The following HMGB1 variants were observed in gnomAD, a reference collection of about 807,000 sequenced individuals.
The protein encoded by HMGB1 is high mobility group protein B1.
For synonymous variants in HMGB1, 81 were observed against 84.0 expected, an observed-to-expected ratio of 0.96 and a Z score of 0.19; for missense variants, 79 against 253.5, an observed-to-expected ratio of 0.31 and a Z score of 4.67.
intron 1 of HMGB1, among the ~76,000 whole-genome samples, chr13:30,593,309 C>T (rs1362721900): frequency 6.6e-6 from 1 of 152,160 alleles, no homozygotes; most frequent in Non-Finnish European, 1.5e-5. Context: ...CATATTAAGT[C>T]TCTTTTATGC....
intron 1 of HMGB1, among the ~76,000 whole-genome samples, chr13:30,579,489 A>G (rs1226071845): frequency 6.6e-6 from 1 of 152,120 alleles, no homozygotes; most frequent in Non-Finnish European, 1.5e-5. Context: ...CCTCAGCTAT[A>G]ATATAAGTCT....
In HMGB1 at chr13:30,549,389, T is replaced by A. The variant is rs570440060; in HGVS notation, c.-15+67282A>T. On this transcript the variant is annotated intron_variant, in intron 1 of 4. Transcript: ENST00000405805. ...ATAAACTCTATCACTCTTACAGTAA[T>A]AGTGATAGTGTTCAGAGTAATAAAC... Among the ~76,000 whole-genome samples, 9 of 152,264 alleles carry A rather than the reference T, an allele frequency of 5.9e-5. 1 individual carries two copies. In the East Asian group the frequency reaches 1.7e-3, roughly 29 times the overall value.
intron 1 of HMGB1, among the ~76,000 whole-genome samples, chr13:30,591,201 T>C (rs754517115): frequency 1.3e-5 from 2 of 151,830 alleles, no homozygotes; most frequent in Non-Finnish European, 2.9e-5. Flanking sequence ...CAGCTAATCT[T>C]TTGTATTTTT....
At chr13:30,538,515 CTTT>C (rs1868601709) in intron 1 of HMGB1, among the ~76,000 whole-genome samples, 2 of 123,852 alleles carry the variant, frequency 1.6e-5, no homozygotes, top group African/African-American at 3.8e-5. Flanking sequence ...TCTTTCCTTT[CTTT>C]CTTTCCTTTC....
At chr13:30,495,279 T>G (rs1179072498) in intron 1 of HMGB1, among the ~76,000 whole-genome samples, 1 of 152,218 alleles carries the variant, frequency 6.6e-6, no homozygotes, top group Non-Finnish European at 1.5e-5. Flanking sequence ...GACTTCTGTG[T>G]GCAATTTCAA....
rs59654057 is a variant in HMGB1 at position 30,529,028 on chromosome 13, C to CAAA, written c.-14-65337_-14-65335dup. Among the ~76,000 whole-genome samples, 52 of 53,538 alleles carry CAAA rather than the reference C, an allele frequency of 9.7e-4. 1 individual carries two copies. The highest frequency in any genetic ancestry group is 2.0e-3 in the East Asian group (3 of 1,512). The allele number at this position is 53,538 out of a possible 152,430, so 35.1% of individuals were successfully genotyped here. A position where few individuals can be genotyped will look rare whatever the true frequency, so the allele number is the denominator to read the frequency against. ...TGGGCGACAGGGCGAGACTGCGTCT[C>CAAA]AAAAAAAAAAAAAAAAAAAAAAAAA... On this transcript the variant is annotated intron_variant, in intron 1 of 4. Coordinates refer to the HMGB1 transcript ENST00000405805.
At chr13:30,538,545 CTT>C (rs1289695590) in intron 1 of HMGB1, among the ~76,000 whole-genome samples, 2 of 104,212 alleles carry the variant, frequency 1.9e-5, no homozygotes, top group South Asian at 2.7e-4. Context: ...TCCTTTCTTT[CTT>C]TCTTTCTTTT....
At chr13:30,491,113 C>T (rs777271366) in intron 1 of HMGB1, among the ~76,000 whole-genome samples, 3 of 152,064 alleles carry the variant, frequency 2.0e-5, no homozygotes, top group African/African-American at 4.8e-5. Context: ...ACTGCAACCT[C>T]TGCCTCCCAG....
At chr13:30,602,585 T>C (rs542273033) in intron 1 of HMGB1, among the ~76,000 whole-genome samples, 1 of 152,362 alleles carries the variant, frequency 6.6e-6, no homozygotes, top group South Asian at 2.1e-4. Context: ...AACTGATTTT[T>C]ATAATGCATA....
chr13:30,500,700 C>T (rs1266978064), intron 1 of HMGB1, among the ~76,000 whole-genome samples: 1 of 151,230 alleles, frequency 6.6e-6, no homozygotes, highest in Non-Finnish European at 1.5e-5. Context: ...CAGCATCACA[C>T]CCAGCTAACT....
intron 1 of HMGB1, among the ~76,000 whole-genome samples, chr13:30,473,011 G>T (rs2137421815): frequency 6.6e-6 from 1 of 152,248 alleles, no homozygotes; most frequent in Admixed American, 6.5e-5. Flanking sequence ...CGAGGTCTAT[G>T]CTCAGTTTCC....
intron 1 of HMGB1, among the ~76,000 whole-genome samples, chr13:30,549,392 T>C (rs552605575): frequency 7.0e-4 from 106 of 152,272 alleles, no homozygotes; most frequent in African/African-American, 2.4e-3. Context: ...ACAGTAATAG[T>C]GATAGTGTTC....
intron 1 of HMGB1, among the ~76,000 whole-genome samples, chr13:30,524,489 A>C (rs1888318838): frequency 6.6e-6 from 1 of 152,002 alleles, no homozygotes; most frequent in Non-Finnish European, 1.5e-5. Context: ...CACCTTCTTT[A>C]CAAGGCGGCA....
intron 1 of HMGB1, among the ~76,000 whole-genome samples, chr13:30,535,829 G>A (rs1162888784): frequency 2.6e-5 from 4 of 152,352 alleles, no homozygotes; most frequent in Middle Eastern, 3.4e-3. Flanking sequence ...GGCAGAGGTT[G>A]CAGGGAGTTG....
At chr13:30,545,501 C>T (rs1869111721) in intron 1 of HMGB1, among the ~76,000 whole-genome samples, 1 of 151,972 alleles carries the variant, frequency 6.6e-6, no homozygotes, top group Non-Finnish European at 1.5e-5. Flanking sequence ...TCTCAGCAGT[C>T]ACTTGAAGAA....
chr13:30,523,847 C>A (rs1888294409), intron 1 of HMGB1, among the ~76,000 whole-genome samples: 1 of 151,760 alleles, frequency 6.6e-6, no homozygotes, highest in Admixed American at 6.6e-5. Flanking sequence ...CTCAAGCAAT[C>A]TTCCTGCTTC....
chr13:30,463,911 G>T (rs1312788225), intron 1 of HMGB1: 7 of 463,104 alleles, frequency 1.5e-5, no homozygotes, highest in Non-Finnish European at 2.5e-5. Context: ...CCTTCAGGGC[G>T]ATCTCAAAAA....
At chr13:30,512,498 GT>G (rs1337735789) in intron 1 of HMGB1, among the ~76,000 whole-genome samples, 1 of 152,228 alleles carries the variant, frequency 6.6e-6, no homozygotes, top group East Asian at 1.9e-4. Flanking sequence ...CCCTTCAGTA[GT>G]TTGATTCCAC....
chr13:30,519,592 T>G (rs8000891), intron 1 of HMGB1, among the ~76,000 whole-genome samples: 1 of 149,748 alleles, frequency 6.7e-6, no homozygotes, highest in Non-Finnish European at 1.5e-5. Flanking sequence ...CCCAGCTACT[T>G]GGGAGGCTGA....
Sources: gnomAD v4.1 joint callset for allele counts (sites outside exome capture counted in the v4.1 genomes callset) on GRCh38, gnomAD v4.1.1 for gene constraint, MANE v1.5 for transcripts, NCBI Gene and HGNC (gene_info 2026-07-23, HGNC 2026-07-21) for gene names.